The following CERS6 variants were observed in gnomAD, a reference collection of about 807,000 sequenced individuals.
CERS6 encodes the protein LAG1 homolog, ceramide synthase 6.
CERS6 carries 26 observed loss-of-function variants against 56.8 expected under a neutral mutation model. That is an observed-to-expected ratio of 0.46 (90% CI 0.34 to 0.63). The LOEUF (loss-of-function observed/expected upper bound fraction) is 0.63, where lower values mean the gene tolerates loss of function less well. Ranked by LOEUF, CERS6 falls within the 30% of genes least tolerant of loss-of-function variation. The pLI is 0.01. For synonymous variants in CERS6, 164 were observed against 173.3 expected, an observed-to-expected ratio of 0.95 and a Z score of 0.42; for missense variants, 415 against 467.5, an observed-to-expected ratio of 0.89 and a Z score of 1.04.
rs542192616 is a variant in CERS6, at chr2:168,751,412, TA to T, written c.846-14178del. On this transcript the variant is annotated intron_variant, in intron 8 of 9. Coordinates refer to ENST00000305747, the MANE Select transcript of CERS6 (RefSeq NM_203463.3). Reference sequence around the variant, plus strand: ...GCCCATGCCACTTCAGTAAATAAATTAAGCTTTGTTCTCTCTTGAGGAATCT... The same window carrying T: ...GCCCATGCCACTTCAGTAAATAAATTAGCTTTGTTCTCTCTTGAGGAATCT... Among the ~76,000 whole-genome samples the T allele has an allele frequency of 5.7e-3, 863 of 152,326 alleles. 5 individuals carry two copies. Among genetic ancestry groups the T allele is most frequent in the Non-Finnish European group, 8.9e-3 (604 of 68,032 alleles).
At chr2:168,571,294 C>T (rs988492085) in intron 3 of CERS6, among the ~76,000 whole-genome samples, 1 of 151,844 alleles carries the variant, frequency 6.6e-6, no homozygotes, top group Non-Finnish European at 1.5e-5. Context: ...ATTCGCCTTG[C>T]GGTTATTAGC....
intron 1 of CERS6, among the ~76,000 whole-genome samples, chr2:168,495,998 A>G (rs549258350): frequency 1.3e-3 from 193 of 152,210 alleles, no homozygotes; most frequent in Non-Finnish European, 2.2e-3. Context: ...TTGCAGTTAC[A>G]AGCACATGCA....
At chr2:168,522,494 C>T (rs1694999723) in intron 1 of CERS6, among the ~76,000 whole-genome samples, 1 of 151,876 alleles carries the variant, frequency 6.6e-6, no homozygotes, top group Non-Finnish European at 1.5e-5. Context: ...AAAGTGTTAG[C>T]ATTCATTGAA....
intron 4 of CERS6, among the ~76,000 whole-genome samples, chr2:168,657,389 G>A (rs1416304673): frequency 2.6e-5 from 4 of 152,248 alleles, no homozygotes; most frequent in Admixed American, 6.5e-5. Flanking sequence ...AGTGGATCCC[G>A]CACCGGGGCT....
Position 168,512,816 on chromosome 2 carries a change from C to T in CERS6, c.171-34780C>T, listed in dbSNP as rs1212743197. 3.9e-5 allele frequency among the ~76,000 whole-genome samples: 6 copies of T among 152,080 alleles called. No homozygotes were observed. In the East Asian group the frequency reaches 1.2e-3, roughly 29 times the overall value. On this transcript the variant is annotated intron_variant, in intron 1 of 9. Coordinates refer to ENST00000305747, the MANE Select transcript of CERS6 (RefSeq NM_203463.3). ...CAGAGTCGCTGGGACTACAGATGCCCACCACCATGCCCAGCTAAGTTTTGT... is the reference window on the plus strand; with the variant it reads ...CAGAGTCGCTGGGACTACAGATGCCTACCACCATGCCCAGCTAAGTTTTGT...
rs144776309 is a variant in CERS6, at chr2:168,721,670, C to T, written c.845+3692C>T. ...GTCTTGCTCTGTTGGCCAGGCTGGGCTACAGTGATGCCATCATAGCTCATT... is the reference window on the plus strand; with the variant it reads ...GTCTTGCTCTGTTGGCCAGGCTGGGTTACAGTGATGCCATCATAGCTCATT... On this transcript the variant is annotated intron_variant, in intron 8 of 9. Transcript: ENST00000305747. Among the ~76,000 whole-genome samples, 907 of 148,664 alleles carry T rather than the reference C, an allele frequency of 6.1e-3. 11 individuals carry two copies. The highest frequency in any genetic ancestry group is 0.022 in the African/African-American group (884 of 40,488).
chr2:168,678,807 T>A (rs1250701947), intron 4 of CERS6, among the ~76,000 whole-genome samples: 1 of 152,196 alleles, frequency 6.6e-6, no homozygotes, highest in East Asian at 1.9e-4. Context: ...AAAGAGATCC[T>A]ATGATCCAGC....
At chr2:168,646,399 T>A (rs1293800594) in intron 4 of CERS6, among the ~76,000 whole-genome samples, 1 of 152,236 alleles carries the variant, frequency 6.6e-6, no homozygotes, top group Admixed American at 6.5e-5. Context: ...TGCTTTTCTC[T>A]TGTAAATTTG....
chr2:168,672,282 T>C (rs532130289), intron 4 of CERS6, among the ~76,000 whole-genome samples: 3 of 152,350 alleles, frequency 2.0e-5, no homozygotes, highest in African/African-American at 7.2e-5. Context: ...AATAATCTTG[T>C]TTTTCAGTTG....
At chr2:168,471,380 A>G (rs961224872) in intron 1 of CERS6, among the ~76,000 whole-genome samples, 2 of 152,182 alleles carry the variant, frequency 1.3e-5, no homozygotes, top group African/African-American at 2.4e-5. Context: ...AACTTTTGCT[A>G]CACTTTCAAT....
At chr2:168,457,854 C>G (rs932359617) in intron 1 of CERS6, among the ~76,000 whole-genome samples, 9 of 152,196 alleles carry the variant, frequency 5.9e-5, no homozygotes, top group African/African-American at 2.2e-4. Context: ...TCTTTTGTCT[C>G]AGGAAGGTAT....
At chr2:168,691,139 C>T in intron 5 of CERS6, 55 bp downstream of exon 5, 1 of 1,533,998 alleles carries the variant, frequency 6.5e-7, no homozygotes, top group South Asian at 1.1e-5. Flanking sequence ...TACCTTCGGT[C>T]AATTTCATGG....
intron 4 of CERS6, among the ~76,000 whole-genome samples, chr2:168,672,565 A>T (rs1259969788): frequency 2.0e-5 from 3 of 152,242 alleles, no homozygotes; most frequent in Non-Finnish European, 4.4e-5. Flanking sequence ...TCAGTGGTAG[A>T]CTGTGGCTAC....
chr2:168,647,242 A>G (rs1685226559), intron 4 of CERS6, among the ~76,000 whole-genome samples: 1 of 151,872 alleles, frequency 6.6e-6, no homozygotes, highest in Non-Finnish European at 1.5e-5. Context: ...GAGATCTTTT[A>G]CCTTCCTGTA....
intron 8 of CERS6, among the ~76,000 whole-genome samples, chr2:168,752,796 A>T (rs1684313064): frequency 6.6e-6 from 1 of 152,216 alleles, no homozygotes; most frequent in Admixed American, 6.5e-5. Context: ...TGTATCCTTC[A>T]TAGATTCCTT....
intron 1 of CERS6, among the ~76,000 whole-genome samples, chr2:168,486,982 C>T (rs181408790): frequency 6.6e-6 from 1 of 151,982 alleles, no homozygotes; most frequent in Non-Finnish European, 1.5e-5. Context: ...AGTGTGACTT[C>T]CAGGAATGAA....
intron 1 of CERS6, among the ~76,000 whole-genome samples, chr2:168,459,566 A>G (rs1053167085): frequency 3.3e-5 from 5 of 152,020 alleles, no homozygotes; most frequent in Admixed American, 3.3e-4. Context: ...TTTATACCAT[A>G]CTTAACTCCG....
chr2:168,466,513 A>G (rs1186819133), intron 1 of CERS6, among the ~76,000 whole-genome samples: 1 of 152,192 alleles, frequency 6.6e-6, no homozygotes, highest in African/African-American at 2.4e-5. Context: ...TTTAAAGATG[A>G]TTTTTCTCAA....
chr2:168,631,274 C>T (rs1194700655), intron 4 of CERS6, among the ~76,000 whole-genome samples: 2 of 149,572 alleles, frequency 1.3e-5, no homozygotes, highest in African/African-American at 4.9e-5. Flanking sequence ...CTTATAAAAT[C>T]CATCTGATGC....
Sources: allele counts gnomAD v4.1 joint callset (sites outside exome capture counted in the v4.1 genomes callset), GRCh38; gene constraint gnomAD v4.1.1; transcripts MANE v1.5; gene names NCBI Gene and HGNC (gene_info 2026-07-23, HGNC 2026-07-21).